The following CYP46A1 variants were observed in gnomAD, a reference collection of about 807,000 sequenced individuals.
The protein encoded by CYP46A1 is cholesterol 24-hydroxylase.
A neutral mutation model predicts 63.3 loss-of-function variants in CYP46A1; 20 were observed. The observed-to-expected ratio is 0.32, with a 90% confidence interval of 0.22 to 0.46. The LOEUF is 0.46. CYP46A1 is among the 20% of genes least tolerant of loss of function. The probability of loss-of-function intolerance (pLI) is 1.00; values close to 1 mark genes in which losing one functional copy is unlikely to be tolerated. For synonymous variants in CYP46A1, 268 were observed against 273.6 expected (o/e 0.98, Z 0.20); for missense variants, 445 against 670.8 (o/e 0.66, Z 3.72).
chr14:99,699,623 G>A, intron 4 of CYP46A1, 84 bp downstream of exon 4: 1 of 1,454,542 alleles, frequency 6.9e-7, no homozygotes, highest in Non-Finnish European at 9.7e-7. Flanking sequence ...AGAATGTGGG[G>A]TGTAGAATTG....
rs2056884940 is a variant in CYP46A1, at chr14:99,725,238, A to G, written c.1177-153A>G. Reference sequence around the variant, plus strand: ...AAGGGATTTTCTAGGGGGCCAGTGCAATGGACACCAACCTAGATGAGGGGT... The same window carrying G: ...AAGGGATTTTCTAGGGGGCCAGTGCGATGGACACCAACCTAGATGAGGGGT... On this transcript the variant is annotated intron_variant, in intron 12 of 14. Transcript: ENST00000261835. The surrounding 1 kb of genome is among the most constrained non-coding windows in gnomAD (Gnocchi z 4.2). 6.6e-6 allele frequency among the ~76,000 whole-genome samples: 1 copy of G among 152,104 alleles called. No individual in the cohort carries two copies. The highest frequency in any genetic ancestry group is 6.5e-5 in the Admixed American group (1 of 15,282).
chr14:99,706,887 C>G, intron 6 of CYP46A1, 102 bp downstream of exon 6: 1 of 1,379,730 alleles, frequency 7.2e-7, no homozygotes, highest in Non-Finnish European at 9.7e-7. Flanking sequence ...TCCTGCTCCT[C>G]TAACATACCA....
chr14:99,720,498 T>C (rs2056836338), intron 10 of CYP46A1, among the ~76,000 whole-genome samples: 1 of 150,406 alleles, frequency 6.6e-6, no homozygotes, highest in Admixed American at 6.6e-5. Flanking sequence ...CTCGCTCTGT[T>C]GCTAGGCTGG....
rs140305259 is a variant in CYP46A1, at chr14:99,692,409, G to C, written c.282+548G>C. 9.0e-3 allele frequency among the ~76,000 whole-genome samples: 1,366 copies of C among 152,274 alleles called. 22 individuals are homozygous for C. Among genetic ancestry groups the C allele is most frequent in the African/African-American group, 0.032 (1,310 of 41,548 alleles). ...CAAAAATTAGCTGGGCATGGTGGCAGGCACCTGTAATACCAGCTACTCGGG... is the reference window on the plus strand; with the variant it reads ...CAAAAATTAGCTGGGCATGGTGGCACGCACCTGTAATACCAGCTACTCGGG... On this transcript the variant is annotated intron_variant, in intron 3 of 14. Coordinates refer to ENST00000261835, the MANE Select transcript of CYP46A1 (RefSeq NM_006668.2).
At chr14:99,693,834 G>A (rs528465993) in intron 3 of CYP46A1, among the ~76,000 whole-genome samples, 1 of 152,168 alleles carries the variant, frequency 6.6e-6, no homozygotes, top group South Asian at 2.1e-4. Context: ...ATGATAAAAT[G>A]CACATAACAT....
chr14:99,698,745 A>G (rs2056606212), intron 3 of CYP46A1, among the ~76,000 whole-genome samples: 1 of 152,156 alleles, frequency 6.6e-6, no homozygotes, highest in African/African-American at 2.4e-5. Context: ...CCCAGATCCA[A>G]ATTGAAGCTG....
intron 7 of CYP46A1, chr14:99,708,498 T>G (rs1265395131): frequency 6.5e-6 from 1 of 153,440 alleles, no homozygotes; most frequent in Admixed American, 6.8e-5. Context: ...GGCCCCCACA[T>G]GCATCATCCA....
intron 3 of CYP46A1, chr14:99,693,305 T>C (rs1595185820): frequency 6.6e-6 from 1 of 152,404 alleles, no homozygotes; most frequent in African/African-American, 2.4e-5. Context: ...TTAAAAATAA[T>C]TTTTCATTAA....
Position 99,718,721 on chromosome 14 carries a change from G to A in CYP46A1, c.980+595G>A, listed in dbSNP as rs184785458. 6.6e-5 allele frequency among the ~76,000 whole-genome samples: 10 copies of A among 152,268 alleles called. No homozygotes were observed. In the East Asian group the frequency reaches 1.7e-3, roughly 26 times the overall value. ...CTCTGAATGCACCAACAGGCTGGGTGGGAGCTCTGGGGAGGTGGGGTCAGG... is the reference window on the plus strand; with the variant it reads ...CTCTGAATGCACCAACAGGCTGGGTAGGAGCTCTGGGGAGGTGGGGTCAGG... On this transcript the variant is annotated intron_variant, in intron 10 of 14. Transcript: ENST00000261835.
At position 99,716,194 on chromosome 14, in the gene CYP46A1, T is replaced by C; in HGVS notation, c.902T>C (p.Ile301Thr). Residue 301 changes from isoleucine (I) to threonine (T), a missense_variant, in exon 9 of 15, where the codon ATT (isoleucine) becomes ACT (threonine). Physicochemically the swap from Ile to Thr is moderately conservative, Grantham distance 89. Transcript: ENST00000261835. ...CTGGACAACTTCGTCACCTTCTTCA[T>C]TGCTGGTTTGTAGCTTTGGCGGTGG... is the stretch of plus-strand genomic sequence containing the variant. ...GLLDNFVTFF[I>T]AGHETSANHL... 1 of 1,614,250 alleles carries C rather than the reference T, an allele frequency of 6.2e-7. No homozygotes were observed. Among genetic ancestry groups the C allele is most frequent in the Admixed American group, 1.7e-5 (1 of 60,032 alleles).
At chr14:99,712,318 A>C (rs1478084590) in intron 7 of CYP46A1, 1 of 152,204 alleles carries the variant, frequency 6.6e-6, no homozygotes, top group Non-Finnish European at 1.5e-5. Flanking sequence ...GAAAGAAATA[A>C]AAGACGTCCA....
intron 3 of CYP46A1, among the ~76,000 whole-genome samples, chr14:99,695,079 T>A (rs2056575784): frequency 1.3e-5 from 2 of 152,242 alleles, no homozygotes; most frequent in Admixed American, 1.3e-4. Context: ...ATTCAATTTT[T>A]AAATATTAGG....
intron 8 of CYP46A1, 33 bp from the exon 9 acceptor site, chr14:99,716,104 T>G (rs1184761071): frequency 1.9e-6 from 3 of 1,613,938 alleles, no homozygotes. Flanking sequence ...GAGCAAAGAT[T>G]TGCTGGGAAC....
At chr14:99,688,682 T>C (rs930891958) in intron 1 of CYP46A1, among the ~76,000 whole-genome samples, 68 of 152,272 alleles carry the variant, frequency 4.5e-4, no homozygotes, top group Non-Finnish European at 8.7e-4. Context: ...CACCCTCTCG[T>C]TCCCTGTAGC....
chr14:99,726,042 C>A, intron 13 of CYP46A1, 148 bp from the exon 14 acceptor site: 1 of 687,872 alleles, frequency 1.5e-6, no homozygotes, highest in Non-Finnish European at 2.6e-6. Flanking sequence ...TCGGCAGAGT[C>A]AGCGGTTCAT....
intron 12 of CYP46A1, chr14:99,723,237 G>T: frequency 5.7e-6 from 1 of 174,934 alleles, no homozygotes; most frequent in Non-Finnish European, 1.2e-5. Context: ...GGGGTAGTGT[G>T]TTTTTTCGTA....
chr14:99,720,781 G>A (rs898019967), intron 10 of CYP46A1, among the ~76,000 whole-genome samples: 1 of 152,124 alleles, frequency 6.6e-6, no homozygotes, highest in Non-Finnish European at 1.5e-5. Flanking sequence ...GGCCATCGCT[G>A]GATCTCTTTA....
chr14:99,726,731 G>A lies in CYP46A1; in HGVS notation c.*4G>A. The A allele has an allele frequency of 6.6e-7, 1 of 1,517,914 alleles. No individual in the cohort carries two copies. Among genetic ancestry groups the A allele is most frequent in the African/African-American group, 1.4e-5 (1 of 72,126 alleles). The allele number at this position is 1,517,914 out of a possible 1,614,324, so 94.0% of individuals were successfully genotyped here. Reference sequence around the variant, plus strand: ...ACCCCCACCACCCCCCTGCTGAGGGGGCCTCCAGGCAGGACGAGACTCCTC... The same window carrying A: ...ACCCCCACCACCCCCCTGCTGAGGGAGCCTCCAGGCAGGACGAGACTCCTC... On this transcript the variant is annotated 3_prime_UTR_variant, in exon 15 of 15. Transcript: ENST00000261835.
At chr14:99,712,489 C>T (rs2056743397) in intron 7 of CYP46A1, 1 of 152,100 alleles carries the variant, frequency 6.6e-6, no homozygotes, top group Non-Finnish European at 1.5e-5. Context: ...AGTAGCAATT[C>T]TATACACCAA....
Sources: allele counts gnomAD v4.1 joint callset (sites outside exome capture counted in the v4.1 genomes callset), GRCh38; gene constraint gnomAD v4.1.1; non-coding constraint Gnocchi (gnomAD v3.1); transcripts MANE v1.5; gene names NCBI Gene and HGNC (gene_info 2026-07-23, HGNC 2026-07-21).